ALK: variants seen among roughly 807,000 people sequenced by gnomAD.
ALK encodes ALK receptor tyrosine kinase.
Under a neutral mutation model 163.1 loss-of-function variants are expected in ALK, and 74 were observed. The ratio of observed to expected loss-of-function variants is 0.45; its 90% CI spans 0.38 to 0.55. The LOEUF (loss-of-function observed/expected upper bound fraction) is 0.55. Among genes scored for constraint, ALK ranks in the 20% least tolerant of loss-of-function variants. The pLI is 0.00. For synonymous variants in ALK, 960 were observed against 843.2 expected (o/e 1.14, Z -2.40); for missense variants, 2,063 against 2,105.3 (o/e 0.98, Z 0.39).
At chr2:29,213,809 C>A (rs1406363354) in intron 24 of ALK, among the ~76,000 whole-genome samples, 175 bp downstream of exon 24, 1 of 152,120 alleles carries the variant, frequency 6.6e-6, no homozygotes, top group Admixed American at 6.6e-5. Context: ...CAAAGTGAGA[C>A]CCTGTCTCTC....
intron 4 of ALK, among the ~76,000 whole-genome samples, chr2:29,402,491 A>G (rs574641401): frequency 1.9e-4 from 29 of 152,256 alleles, no homozygotes; most frequent in Admixed American, 3.9e-4. Flanking sequence ...TGGTTTCTTT[A>G]TTTTATTAAC....
chr2:29,197,718 C>T lies in ALK; in HGVS notation c.3939-42G>A, dbSNP rs375704354. ...GGACATGGAGATGGATATAGACACA[C>T]CCACCCACATTCACACACACACACA... On this transcript the variant is annotated intron_variant, in intron 26 of 28. Transcript: ENST00000389048. 5 of 1,518,666 alleles carry T rather than the reference C, an allele frequency of 3.3e-6. No homozygotes were observed. In the African/African-American group the frequency reaches 4.1e-5, roughly 12 times the overall value. 94.1% of individuals were successfully genotyped at this position (1,518,666 alleles called of 1,614,324 possible).
intron 3 of ALK, 122 bp downstream of exon 3, chr2:29,694,728 T>C: frequency 7.5e-7 from 1 of 1,326,790 alleles, no homozygotes; most frequent in Non-Finnish European, 1.1e-6. Context: ...TCACAGATAT[T>C]AAAAGCAGGT....
intron 1 of ALK, among the ~76,000 whole-genome samples, chr2:29,829,719 T>A (rs190405880): frequency 6.6e-6 from 1 of 152,348 alleles, no homozygotes; most frequent in Admixed American, 6.5e-5. Flanking sequence ...TATTGAGTTC[T>A]GCTGTTAGAA....
chr2:29,747,799 C>T (rs1331235087), intron 1 of ALK, among the ~76,000 whole-genome samples: 1 of 152,162 alleles, frequency 6.6e-6, no homozygotes, highest in Non-Finnish European at 1.5e-5. Flanking sequence ...GCTTTTGATG[C>T]CTAAAGTTCC....
intron 1 of ALK, among the ~76,000 whole-genome samples, chr2:29,834,069 G>C (rs1031587682): frequency 3.3e-5 from 5 of 152,152 alleles, no homozygotes; most frequent in African/African-American, 9.7e-5. Context: ...AACTGCAAAG[G>C]TATATAAAAT....
chr2:29,369,300 G>A (rs989132805), intron 5 of ALK, among the ~76,000 whole-genome samples: 41 of 142,950 alleles, frequency 2.9e-4, no homozygotes, highest in Non-Finnish European at 5.6e-4. Flanking sequence ...GTGTGCACAC[G>A]TGCATATTTG....
intron 4 of ALK, among the ~76,000 whole-genome samples, chr2:29,463,058 T>C (rs758501971): frequency 6.6e-6 from 1 of 152,096 alleles, no homozygotes; most frequent in Non-Finnish European, 1.5e-5. Context: ...AAAGTAGTCT[T>C]ATAACATATA....
intron 5 of ALK, among the ~76,000 whole-genome samples, chr2:29,332,798 G>C (rs1265080609): frequency 1.3e-5 from 2 of 152,218 alleles, no homozygotes; most frequent in African/African-American, 4.8e-5. Flanking sequence ...GTCTGTTTAT[G>C]ATGACGCTTT....
intron 4 of ALK, 105 bp downstream of exon 4, chr2:29,531,810 G>A (rs964892870): frequency 8.4e-6 from 10 of 1,196,762 alleles, no homozygotes; most frequent in Admixed American, 7.0e-5. Context: ...ACCGATTAAA[G>A]GACAATCATG....
intron 1 of ALK, among the ~76,000 whole-genome samples, chr2:29,776,153 T>G (rs970388341): frequency 1.3e-5 from 2 of 150,392 alleles, no homozygotes; most frequent in African/African-American, 4.9e-5. Context: ...CAGACCTTCC[T>G]GGAAGAAGCA....
chr2:29,874,141 G>A (rs770680410), intron 1 of ALK, among the ~76,000 whole-genome samples: 23 of 152,118 alleles, frequency 1.5e-4, no homozygotes, highest in Non-Finnish European at 2.6e-4. Flanking sequence ...ATTGCTCAAG[G>A]ATTTATGCAT....
intron 4 of ALK, among the ~76,000 whole-genome samples, chr2:29,444,014 T>G (rs1408578800): frequency 1.3e-5 from 2 of 152,228 alleles, no homozygotes; most frequent in African/African-American, 2.4e-5. Context: ...AAGGAGAAAC[T>G]GAGTCACAGA....
intron 22 of ALK, 183 bp from the exon 23 acceptor site, chr2:29,221,018 G>T (rs1349397554): frequency 1.3e-5 from 10 of 799,730 alleles, no homozygotes; most frequent in Non-Finnish European, 2.1e-5. Context: ...GTGAGCAGGT[G>T]GGAAGAACCA....
intron 1 of ALK, among the ~76,000 whole-genome samples, chr2:29,765,637 T>A (rs1680840866): frequency 6.7e-6 from 1 of 149,254 alleles, no homozygotes; most frequent in Admixed American, 6.6e-5. Flanking sequence ...AAGAGTACCT[T>A]TTTTTTTAAA....
intron 1 of ALK, among the ~76,000 whole-genome samples, chr2:29,914,758 T>G (rs1352620071): frequency 6.6e-6 from 1 of 152,222 alleles, no homozygotes; most frequent in Non-Finnish European, 1.5e-5. Flanking sequence ...CTAGCAAGGA[T>G]ACTGGAAATT....
intron 3 of ALK, among the ~76,000 whole-genome samples, chr2:29,651,764 T>C (rs904869830): frequency 2.0e-5 from 3 of 152,200 alleles, no homozygotes; most frequent in Non-Finnish European, 4.4e-5. Flanking sequence ...CTTGCCTTTA[T>C]TGAATCTTTC....
At chr2:29,909,134 G>A (rs1293679579) in intron 1 of ALK, among the ~76,000 whole-genome samples, 1 of 152,146 alleles carries the variant, frequency 6.6e-6, no homozygotes, top group Non-Finnish European at 1.5e-5. Context: ...TAGGCTCCTG[G>A]CCATGATACA....
intron 9 of ALK, among the ~76,000 whole-genome samples, chr2:29,288,967 T>A (rs2002613): frequency 0.38 from 8,692 of 22,968 alleles, 1,748 homozygotes; most frequent in Middle Eastern, 0.59. Context: ...AATAAATAAA[T>A]AAATAAATAA....
Sources: allele counts gnomAD v4.1 joint callset (sites outside exome capture counted in the v4.1 genomes callset), GRCh38; gene constraint gnomAD v4.1.1; transcripts MANE v1.5; gene names NCBI Gene and HGNC (gene_info 2026-07-23, HGNC 2026-07-21).